The following ABTB2 variants were observed in gnomAD, a reference collection of about 807,000 sequenced individuals.
The protein encoded by ABTB2 is ankyrin repeat and BTB/POZ domain-containing protein 2.
Under a neutral mutation model 104.1 loss-of-function variants are expected in ABTB2, and 56 were observed. The observed-to-expected ratio is 0.54, with a 90% CI of 0.43 to 0.67. The LOEUF (loss-of-function observed/expected upper bound fraction) is 0.67, where lower values mean the gene tolerates loss of function less well. ABTB2 is among the 30% of genes least tolerant of loss of function. The pLI, the probability that ABTB2 is intolerant of heterozygous loss-of-function variation, is 0.00. For synonymous variants in ABTB2, 606 were observed against 608.2 expected, an observed-to-expected ratio of 1.00 and a Z score of 0.05; for missense variants, 1,279 against 1,407.7, an observed-to-expected ratio of 0.91 and a Z score of 1.46.
intron 1 of ABTB2, among the ~76,000 whole-genome samples, chr11:34,258,084 C>T (rs1431700554): frequency 6.6e-6 from 1 of 152,108 alleles, no homozygotes; most frequent in Non-Finnish European, 1.5e-5. Context: ...CTCTAATGAC[C>T]CCTGCAACTC....
intron 1 of ABTB2, among the ~76,000 whole-genome samples, chr11:34,254,107 G>A (rs910319973): frequency 1.3e-5 from 2 of 152,142 alleles, no homozygotes; most frequent in African/African-American, 4.8e-5. Context: ...TGAGTCAAAT[G>A]CTTTGCAGAC....
At chr11:34,265,019 A>C (rs1854231081) in intron 1 of ABTB2, among the ~76,000 whole-genome samples, 1 of 152,070 alleles carries the variant, frequency 6.6e-6, no homozygotes. Context: ...TTCACTATCA[A>C]CTCAGGATTT....
intron 4 of ABTB2, among the ~76,000 whole-genome samples, 198 bp downstream of exon 4, chr11:34,172,957 A>G (rs1413418074): frequency 2.0e-5 from 3 of 152,222 alleles, no homozygotes; most frequent in Non-Finnish European, 4.4e-5. Flanking sequence ...ACGTTTCCAG[A>G]CAGCAGCCAA....
intron 1 of ABTB2, among the ~76,000 whole-genome samples, chr11:34,278,668 C>T (rs1442426784): frequency 2.0e-5 from 3 of 152,202 alleles, no homozygotes; most frequent in Admixed American, 2.0e-4. Flanking sequence ...TGCCTAACTT[C>T]CCACAGTCCC....
intron 1 of ABTB2, among the ~76,000 whole-genome samples, chr11:34,308,246 T>C (rs1029903019): frequency 6.6e-6 from 1 of 152,224 alleles, no homozygotes; most frequent in Non-Finnish European, 1.5e-5. Context: ...TGCTACTATA[T>C]GTAAATTTCC....
intron 1 of ABTB2, among the ~76,000 whole-genome samples, chr11:34,346,306 TATCCA>T (rs1307174889): frequency 1.3e-5 from 2 of 152,030 alleles, no homozygotes; most frequent in African/African-American, 2.4e-5. Context: ...CTGCTATAAA[TATCCA>T]AGTCTGGGTA....
chr11:34,288,629 G>A (rs1463603896), intron 1 of ABTB2, among the ~76,000 whole-genome samples: 1 of 152,074 alleles, frequency 6.6e-6, no homozygotes, highest in East Asian at 1.9e-4. Flanking sequence ...AGGAGGGTAG[G>A]GGCGGGAGGG....
At chr11:34,182,958 C>T (rs1853048366) in intron 3 of ABTB2, among the ~76,000 whole-genome samples, 1 of 152,110 alleles carries the variant, frequency 6.6e-6, no homozygotes, top group Admixed American at 6.5e-5. Context: ...GGGATATGAA[C>T]CTGGGCAGTG....
intron 1 of ABTB2, among the ~76,000 whole-genome samples, chr11:34,245,374 C>T (rs970471157): frequency 6.6e-6 from 1 of 152,132 alleles, no homozygotes; most frequent in South Asian, 2.1e-4. Context: ...AGGAAATCAC[C>T]CCCTACAGCA....
At chr11:34,190,066 C>A (rs1303621097) in intron 3 of ABTB2, among the ~76,000 whole-genome samples, 1 of 152,144 alleles carries the variant, frequency 6.6e-6, no homozygotes, top group Admixed American at 6.6e-5. Flanking sequence ...ATGGCAAAAC[C>A]CTGTCTCTAC....
chr11:34,257,500 G>A (rs956173909), intron 1 of ABTB2, among the ~76,000 whole-genome samples: 1 of 152,174 alleles, frequency 6.6e-6, no homozygotes, highest in Admixed American at 6.5e-5. Flanking sequence ...CTGTAATGGT[G>A]ACAGTGCTCT....
intron 3 of ABTB2, among the ~76,000 whole-genome samples, chr11:34,182,502 G>C (rs6484699): frequency 0.45 from 58,513 of 129,316 alleles, 18,145 homozygotes; most frequent in East Asian, 0.91. Context: ...TTCTCTGGGG[G>C]GGGGGGGAAA....
At chr11:34,306,224 C>T (rs1041941320) in intron 1 of ABTB2, among the ~76,000 whole-genome samples, 9 of 145,640 alleles carry the variant, frequency 6.2e-5, no homozygotes, top group Non-Finnish European at 1.2e-4. Context: ...CACTAGCTGC[C>T]TGGAAAGTTT....
At chr11:34,285,193 TG>T (rs1427295412) in intron 1 of ABTB2, among the ~76,000 whole-genome samples, 1 of 150,876 alleles carries the variant, frequency 6.6e-6, no homozygotes, top group Non-Finnish European at 1.5e-5. Flanking sequence ...AGGGGACCGG[TG>T]GGGAGGGGGA....
intron 3 of ABTB2, among the ~76,000 whole-genome samples, chr11:34,180,355 A>G (rs1267653901): frequency 6.6e-6 from 1 of 152,226 alleles, no homozygotes; most frequent in Non-Finnish European, 1.5e-5. Context: ...ACAGACCCAG[A>G]GGCCTTGGGT....
intron 1 of ABTB2, among the ~76,000 whole-genome samples, chr11:34,209,068 G>C (rs1853444037): frequency 6.6e-6 from 1 of 152,156 alleles, no homozygotes; most frequent in Non-Finnish European, 1.5e-5. Context: ...CATCCTGGCT[G>C]GCCGTGGTGG....
chr11:34,197,259 G>A lies in ABTB2; in HGVS notation c.1244+66C>T. 4.5e-6 allele frequency: 7 copies of A among 1,539,398 alleles called. No homozygotes were observed. In the South Asian group the frequency reaches 6.7e-5, roughly 15 times the overall value. On this transcript the variant is annotated intron_variant, in intron 3 of 16. Transcript: ENST00000435224. ...GTTGGTCAGTCGTCAGTCAGTGTCA[G>A]TCAGTCGGTCAATGCACGTTTGGGA...
chr11:34,357,571 A>T lies in ABTB2; in HGVS notation c.13T>A (p.Tyr5Asn). The T allele has an allele frequency of 6.6e-7, 1 of 1,518,000 alleles. No homozygotes were observed. Among genetic ancestry groups the T allele is most frequent in the Non-Finnish European group, 8.8e-7 (1 of 1,133,048 alleles). 94.0% of individuals were successfully genotyped at this position (1,518,000 alleles called of 1,614,324 possible). A position where few individuals can be genotyped will look rare whatever the true frequency, so the allele number is the denominator to read the frequency against. ...TCCAGCGTCTTCAGAGTCGAGCTGT[A>T]CGTCCCGGCCATGGGGAGCCTGCCG... MAGT[Y>N]SSTLKTLEDL... Residue 5 changes from tyrosine (Y) to asparagine (N), a missense_variant, in exon 1 of 17, where the codon TAC becomes AAC. Physicochemically the swap from Tyr to Asn is moderately radical, Grantham distance 143. Coordinates refer to ENST00000435224, the MANE Select transcript of ABTB2 (RefSeq NM_145804.3).
intron 1 of ABTB2, among the ~76,000 whole-genome samples, chr11:34,354,244 G>A (rs766551013): frequency 6.6e-6 from 1 of 152,256 alleles, no homozygotes; most frequent in East Asian, 1.9e-4. Flanking sequence ...TTTGTTGTCT[G>A]CCACAGAGAA....
Sources: allele counts gnomAD v4.1 joint callset (sites outside exome capture counted in the v4.1 genomes callset), GRCh38; gene constraint gnomAD v4.1.1; transcripts MANE v1.5; gene names NCBI Gene and HGNC (gene_info 2026-07-23, HGNC 2026-07-21).